The following HS3ST2 variants were observed in gnomAD, a reference collection of about 807,000 sequenced individuals.
HS3ST2 encodes the protein heparan sulfate-glucosamine 3-sulfotransferase 2.
In HS3ST2, 17 loss-of-function variants were observed where a neutral mutation model predicts 26.3. That is an observed-to-expected ratio of 0.65 (90% CI 0.44 to 0.97). The LOEUF (loss-of-function observed/expected upper bound fraction) is 0.97, where lower values mean the gene tolerates loss of function less well. HS3ST2 is among the 50% of genes least tolerant of loss of function. The probability of loss-of-function intolerance (pLI) is 0.00; values close to 1 mark genes in which losing one functional copy is unlikely to be tolerated. For missense variants in HS3ST2, 402 were observed against 501.2 expected, an observed-to-expected ratio of 0.80 and a Z score of 1.89; for synonymous variants, 237 against 219.2, an observed-to-expected ratio of 1.08 and a Z score of -0.72.
intron 1 of HS3ST2, among the ~76,000 whole-genome samples, chr16:22,840,983 G>C: frequency 9.8e-6 from 1 of 101,770 alleles, no homozygotes; most frequent in African/African-American, 4.0e-5. Flanking sequence ...CCCCACAACA[G>C]GCCCCAGTGT....
Position 22,897,223 on chromosome 16 carries a change from A to G in HS3ST2, c.486-17721A>G, listed in dbSNP as rs530335156. ...CTTATTCTCTTTCTTTTCCTTTATC[A>G]CAAGTTGTAATTATTTTTTTTTATT... On this transcript the variant is annotated intron_variant, in intron 1 of 1. Coordinates refer to ENST00000261374, the MANE Select transcript of HS3ST2 (RefSeq NM_006043.2). 2.3e-4 allele frequency among the ~76,000 whole-genome samples: 35 copies of G among 152,140 alleles called. 1 individual carries two copies. Among genetic ancestry groups the G allele is most frequent in the Middle Eastern group, 3.4e-3 (1 of 294 alleles).
At chr16:22,825,215 G>A (rs918668586) in intron 1 of HS3ST2, among the ~76,000 whole-genome samples, 4 of 152,138 alleles carry the variant, frequency 2.6e-5, no homozygotes, top group Admixed American at 1.3e-4. Flanking sequence ...CTGCACACTG[G>A]GACTAATCAT....
At chr16:22,821,805 G>A (rs1316180674) in intron 1 of HS3ST2, among the ~76,000 whole-genome samples, 1 of 152,170 alleles carries the variant, frequency 6.6e-6, no homozygotes, top group African/African-American at 2.4e-5. Flanking sequence ...AGCCACCCGG[G>A]AGGGGAAATG....
chr16:22,844,843 C>G (rs1194425917), intron 1 of HS3ST2, among the ~76,000 whole-genome samples: 3 of 151,938 alleles, frequency 2.0e-5, no homozygotes, highest in Non-Finnish European at 4.4e-5. Context: ...ACAGTTAAAC[C>G]TCTTTTCTTT....
At chr16:22,912,055 T>C (rs1443313180) in intron 1 of HS3ST2, among the ~76,000 whole-genome samples, 1 of 152,076 alleles carries the variant, frequency 6.6e-6, no homozygotes, top group Non-Finnish European at 1.5e-5. Context: ...CCAGGGGAGT[T>C]TGAGGCAGCA....
chr16:22,863,947 C>T (rs1417033403), intron 1 of HS3ST2, among the ~76,000 whole-genome samples: 2 of 152,188 alleles, frequency 1.3e-5, no homozygotes, highest in South Asian at 2.1e-4. Context: ...TCCTCAAGTT[C>T]GAGTGACAGA....
intron 1 of HS3ST2, among the ~76,000 whole-genome samples, chr16:22,913,095 A>T (rs1274155795): frequency 1.3e-5 from 2 of 150,080 alleles, no homozygotes; most frequent in African/African-American, 5.0e-5. Context: ...ATGTTTATTT[A>T]AAAAAGAAAG....
intron 1 of HS3ST2, among the ~76,000 whole-genome samples, chr16:22,843,334 T>G (rs889387694): frequency 1.3e-5 from 2 of 152,142 alleles, no homozygotes; most frequent in Non-Finnish European, 2.9e-5. Flanking sequence ...TCTGACATTA[T>G]CTACCCAGAA....
At chr16:22,883,023 C>T (rs953581482) in intron 1 of HS3ST2, among the ~76,000 whole-genome samples, 4 of 150,726 alleles carry the variant, frequency 2.7e-5, no homozygotes, top group Non-Finnish European at 5.9e-5. Context: ...GAGTGAGACT[C>T]CATCTCAGAA....
chr16:22,815,658 G>A (rs901625479), intron 1 of HS3ST2, among the ~76,000 whole-genome samples: 8 of 152,154 alleles, frequency 5.3e-5, no homozygotes, highest in African/African-American at 1.9e-4. Context: ...GCTGTACTGG[G>A]GCTGAGACCC....
At chr16:22,838,187 G>T (rs1423844444) in intron 1 of HS3ST2, among the ~76,000 whole-genome samples, 2 of 151,990 alleles carry the variant, frequency 1.3e-5, no homozygotes, top group Non-Finnish European at 2.9e-5. Context: ...CCTCTGTGTG[G>T]TACTCACAGG....
At chr16:22,820,310 A>T (rs563271465) in intron 1 of HS3ST2, among the ~76,000 whole-genome samples, 1 of 152,326 alleles carries the variant, frequency 6.6e-6, no homozygotes, top group South Asian at 2.1e-4. Context: ...TTGCTCAAGG[A>T]AGTTTTTTGA....
intron 1 of HS3ST2, among the ~76,000 whole-genome samples, chr16:22,840,496 C>T (rs1464182450): frequency 6.6e-6 from 1 of 152,104 alleles, no homozygotes. Context: ...GATTCTCCTG[C>T]CTCAGCCTCC....
intron 1 of HS3ST2, among the ~76,000 whole-genome samples, chr16:22,822,057 G>A (rs1341350759): frequency 6.6e-6 from 1 of 152,118 alleles, no homozygotes; most frequent in African/African-American, 2.4e-5. Flanking sequence ...TGCTCTAGGT[G>A]GAGGCTAAAG....
In HS3ST2 at chr16:22,814,709, G is replaced by A. The variant is rs376190872; in HGVS notation, c.99G>A (p.Leu33=). 137 of 1,608,792 alleles carry A rather than the reference G, an allele frequency of 8.5e-5. 2 individuals carry two copies. The highest frequency in any genetic ancestry group is 3.5e-5 in the Non-Finnish European group (41 of 1,178,426). ...CGCTCTCGCTCTCCTGCACTTACCT[G>A]TGTTACAGCTTCCTGTGCTGCTGCG... The part of the protein sequence containing the change: ...AFTLSLSCTY[L]CYSFLCCCDD... The change falls in exon 1 of 2, where the codon CTG becomes CTA. Residue 33 remains leucine (L), a synonymous_variant. Transcript: ENST00000261374.
At chr16:22,887,239 C>T (rs1319892928) in intron 1 of HS3ST2, among the ~76,000 whole-genome samples, 2 of 152,328 alleles carry the variant, frequency 1.3e-5, no homozygotes, top group African/African-American at 4.8e-5. Context: ...TTCCATTTCC[C>T]ACTGTCTTCA....
intron 1 of HS3ST2, among the ~76,000 whole-genome samples, chr16:22,838,070 T>C (rs962928629): frequency 1.3e-5 from 2 of 151,972 alleles, no homozygotes; most frequent in Non-Finnish European, 2.9e-5. Flanking sequence ...AAGTAAACAA[T>C]AGTGCAAGGA....
chr16:22,882,339 G>A (rs924183872), intron 1 of HS3ST2, among the ~76,000 whole-genome samples: 1 of 152,116 alleles, frequency 6.6e-6, no homozygotes, highest in Admixed American at 6.5e-5. Context: ...TCCAGTCTGG[G>A]CAACACAGCA....
intron 1 of HS3ST2, among the ~76,000 whole-genome samples, chr16:22,854,933 C>T (rs2141187056): frequency 6.6e-6 from 1 of 152,310 alleles, no homozygotes; most frequent in Non-Finnish European, 1.5e-5. Context: ...AGCCACCACA[C>T]CCAGCCTCAA....
Sources: allele counts gnomAD v4.1 joint callset (sites outside exome capture counted in the v4.1 genomes callset), GRCh38; gene constraint gnomAD v4.1.1; transcripts MANE v1.5; gene names NCBI Gene and HGNC (gene_info 2026-07-23, HGNC 2026-07-21).